COL24A1: variants seen among roughly 807,000 people sequenced by gnomAD.
The protein encoded by COL24A1 is collagen type XXIV alpha 1 chain.
In COL24A1, 224 loss-of-function variants were observed where a neutral mutation model predicts 253.9. That is an observed-to-expected ratio of 0.88 (90% CI 0.79 to 0.99). The LOEUF is 0.99. Ranked by LOEUF, COL24A1 falls within the 50% of genes least tolerant of loss-of-function variation. COL24A1 has a pLI of 0.00. For synonymous variants in COL24A1, 685 were observed against 673.7 expected, an observed-to-expected ratio of 1.02 and a Z score of -0.26; for missense variants, 2,131 against 2,068.5, an observed-to-expected ratio of 1.03 and a Z score of -0.59.
At chr1:85,768,446 T>A (rs1236073741) in intron 53 of COL24A1, among the ~76,000 whole-genome samples, 1 of 151,646 alleles carries the variant, frequency 6.6e-6, no homozygotes, top group Non-Finnish European at 1.5e-5. Flanking sequence ...AAACCGGGAG[T>A]CCAGGAGGGA....
chr1:86,149,565 C>T (rs1652445836), intron 1 of COL24A1, among the ~76,000 whole-genome samples: 1 of 152,212 alleles, frequency 6.6e-6, no homozygotes, highest in Non-Finnish European at 1.5e-5. Context: ...GCATGTCTCA[C>T]CTGCCCAAGG....
At chr1:86,001,433 G>T (rs676973) in intron 19 of COL24A1, among the ~76,000 whole-genome samples, 10,764 of 152,214 alleles carry the variant, frequency 0.071, 908 homozygotes, top group African/African-American at 0.2. Flanking sequence ...ATGACCATTT[G>T]CATGGTATGG....
intron 19 of COL24A1, among the ~76,000 whole-genome samples, chr1:86,013,975 G>A (rs1481913032): frequency 6.6e-6 from 1 of 152,180 alleles, no homozygotes; most frequent in Non-Finnish European, 1.5e-5. Flanking sequence ...CTCCTGCACA[G>A]TCCCCTTACT....
chr1:85,849,362 TG>T lies in COL24A1; in HGVS notation c.3344del (p.Pro1115GlnfsTer10). On this transcript the variant is annotated frameshift_variant, in exon 38 of 60. Coordinates refer to ENST00000370571, the MANE Select transcript of COL24A1 (RefSeq NM_152890.7). LOFTEE classifies it high-confidence loss of function. ...IVGIPGQRGRPGKKGDKGQIG... is the reference protein window; with the variant it reads ...IVGIPGQRGRXGKKGDKGQIG... ...AGATGTAAAAAATTACCTTTTTTCC[TG>T]GACGACCTCTTTGCCCTGGAATTCC... The T allele has an allele frequency of 6.2e-7, 1 of 1,612,922 alleles. No individual in the cohort carries two copies. The highest frequency in any genetic ancestry group is 8.5e-7 in the Non-Finnish European group (1 of 1,179,294).
At chr1:85,961,807 CCA>C (rs1274247558) in intron 23 of COL24A1, among the ~76,000 whole-genome samples, 1 of 152,082 alleles carries the variant, frequency 6.6e-6, no homozygotes, top group Non-Finnish European at 1.5e-5. Context: ...GGGTGAAGTG[CCA>C]CACACGTTTA....
intron 2 of COL24A1, among the ~76,000 whole-genome samples, chr1:86,128,007 T>A (rs1557740267): frequency 6.6e-6 from 1 of 152,082 alleles, no homozygotes; most frequent in African/African-American, 2.4e-5. Flanking sequence ...TAGCAATATT[T>A]GTATCTATGA....
chr1:85,947,266 C>A (rs1443191101), intron 24 of COL24A1, among the ~76,000 whole-genome samples: 1 of 152,124 alleles, frequency 6.6e-6, no homozygotes, highest in East Asian at 1.9e-4. Context: ...GTATTTCAAT[C>A]CAAGACTTAT....
At chr1:85,775,755 C>T (rs374747073) in intron 52 of COL24A1, 46 bp from the exon 53 acceptor site, 24 of 1,506,710 alleles carry the variant, frequency 1.6e-5, no homozygotes, top group African/African-American at 4.2e-5. Context: ...TTGATAGTTA[C>T]GTATTAAATG....
chr1:86,091,830 G>A (rs6682482), intron 6 of COL24A1, among the ~76,000 whole-genome samples: 135,297 of 152,132 alleles, frequency 0.89, 60,748 homozygotes, highest in Non-Finnish European at 0.95. Flanking sequence ...AAACAAGATA[G>A]TGGTGACCGC....
At chr1:85,865,722 A>G (rs1240448124) in intron 37 of COL24A1, among the ~76,000 whole-genome samples, 1 of 152,176 alleles carries the variant, frequency 6.6e-6, no homozygotes, top group Non-Finnish European at 1.5e-5. Flanking sequence ...TTTTAAATAT[A>G]CATACTAAAG....
At position 85,745,507 on chromosome 1, in the gene COL24A1, C is replaced by T; in HGVS notation, c.4438-1G>A. ...TAGCAGCATTGATATCCATTTGCTTCTGTGTAAAACAAAACCATTTGAGAT... is the reference window on the plus strand; with the variant it reads ...TAGCAGCATTGATATCCATTTGCTTTTGTGTAAAACAAAACCATTTGAGAT... On this transcript the variant is annotated splice_acceptor_variant, in intron 55 of 59. Coordinates refer to ENST00000370571, the MANE Select transcript of COL24A1 (RefSeq NM_152890.7). LOFTEE classifies it high-confidence loss of function. The T allele has an allele frequency of 6.2e-7, 1 of 1,607,742 alleles. No homozygotes were observed. The highest frequency in any genetic ancestry group is 8.5e-7 in the Non-Finnish European group (1 of 1,177,408).
rs1054267361 is a variant in COL24A1 at position 85,729,715 on chromosome 1, C to T, written c.*831G>A. On this transcript the variant is annotated 3_prime_UTR_variant, in exon 60 of 60. Coordinates refer to ENST00000370571, the MANE Select transcript of COL24A1 (RefSeq NM_152890.7). Reference sequence around the variant, plus strand: ...ACCCCAAACCTACTACTAGATGTAGCTGGCCTATAATAATTTTTACAACAA... The same window carrying T: ...ACCCCAAACCTACTACTAGATGTAGTTGGCCTATAATAATTTTTACAACAA... 2 of 152,502 alleles carry T rather than the reference C, an allele frequency of 1.3e-5. No homozygotes were observed. The highest frequency in any genetic ancestry group is 2.9e-5 in the Non-Finnish European group (2 of 68,010). 9.4% of individuals were successfully genotyped at this position (152,502 alleles called of 1,614,324 possible). A position where few individuals can be genotyped will look rare whatever the true frequency, so the allele number is the denominator to read the frequency against.
At chr1:85,939,716 T>G (rs1362407135) in intron 24 of COL24A1, among the ~76,000 whole-genome samples, 1 of 152,150 alleles carries the variant, frequency 6.6e-6, no homozygotes, top group African/African-American at 2.4e-5. Context: ...AAAAATTTCT[T>G]TAAGTCTATT....
chr1:85,822,613 G>T (rs1017699167), intron 45 of COL24A1, among the ~76,000 whole-genome samples: 1 of 152,118 alleles, frequency 6.6e-6, no homozygotes, highest in Non-Finnish European at 1.5e-5. Flanking sequence ...CCAATTATGA[G>T]CCTGTGTTAC....
chr1:86,014,973 A>G (rs1246053485), intron 19 of COL24A1, among the ~76,000 whole-genome samples: 2 of 152,172 alleles, frequency 1.3e-5, no homozygotes, highest in African/African-American at 4.8e-5. Context: ...CATACAGGAT[A>G]AAGTCTGAAT....
At chr1:85,784,827 C>A (rs1669515695) in intron 48 of COL24A1, among the ~76,000 whole-genome samples, 1 of 152,048 alleles carries the variant, frequency 6.6e-6, no homozygotes, top group African/African-American at 2.4e-5. Context: ...AACTCCTGGG[C>A]TCAAGCGATC....
intron 13 of COL24A1, 82 bp from the exon 14 acceptor site, chr1:86,032,004 T>G (rs1437876548): frequency 3.5e-6 from 4 of 1,128,042 alleles, no homozygotes; most frequent in Non-Finnish European, 5.2e-6. Flanking sequence ...CACAAAACTT[T>G]CTAGCTAAGA....
At chr1:86,095,151 T>C (rs574087923) in intron 5 of COL24A1, among the ~76,000 whole-genome samples, 3 of 152,144 alleles carry the variant, frequency 2.0e-5, no homozygotes, top group African/African-American at 4.8e-5. Flanking sequence ...TGTTAAAAAT[T>C]CTTACGTTTA....
intron 43 of COL24A1, among the ~76,000 whole-genome samples, chr1:85,829,742 C>T (rs919642555): frequency 3.3e-5 from 5 of 152,002 alleles, no homozygotes; most frequent in African/African-American, 4.8e-5. Context: ...GCATTCTTCA[C>T]GTAGTTCTCG....
Sources: allele counts gnomAD v4.1 joint callset (sites outside exome capture counted in the v4.1 genomes callset), GRCh38; gene constraint gnomAD v4.1.1; transcripts MANE v1.5; gene names NCBI Gene and HGNC (gene_info 2026-07-23, HGNC 2026-07-21).